The following PDE1A variants were observed in gnomAD, a reference collection of about 807,000 sequenced individuals.
PDE1A encodes dual specificity calcium/calmodulin-dependent 3',5'-cyclic nucleotide phosphodiesterase 1A.
A neutral mutation model predicts 61.7 loss-of-function variants in PDE1A; 35 were observed. The observed-to-expected ratio is 0.57, with a 90% CI of 0.43 to 0.75. The LOEUF (loss-of-function observed/expected upper bound fraction) is 0.75. Among genes scored for constraint, PDE1A ranks in the 30% least tolerant of loss-of-function variants. PDE1A has a pLI of 0.00. For synonymous variants in PDE1A, 232 were observed against 213.2 expected (o/e 1.09, Z -0.77); for missense variants, 597 against 630.6 (o/e 0.95, Z 0.57).
intron 10 of PDE1A, among the ~76,000 whole-genome samples, chr2:182,198,010 A>C (rs933389470): frequency 6.6e-6 from 1 of 151,980 alleles, no homozygotes; most frequent in Non-Finnish European, 1.5e-5. Context: ...GACATCTTAG[A>C]AATATTGAGT....
the PDE1A span, among the ~76,000 whole-genome samples, chr2:182,575,606 G>A: frequency 6.6e-6 from 1 of 151,042 alleles, no homozygotes; most frequent in Non-Finnish European, 1.5e-5. Flanking sequence ...CTGGACCCAT[G>A]AATCCTGGCT....
chr2:182,171,502 G>A (rs1391872192), intron 13 of PDE1A, among the ~76,000 whole-genome samples: 4 of 151,850 alleles, frequency 2.6e-5, no homozygotes, highest in Non-Finnish European at 5.9e-5. Flanking sequence ...AAGAGAGATA[G>A]ATAGAGACCT....
intron 2 of PDE1A, among the ~76,000 whole-genome samples, chr2:182,259,275 C>G (rs557519791): frequency 5.5e-4 from 84 of 152,162 alleles, no homozygotes; most frequent in Admixed American, 3.3e-3. Context: ...GGGAAAGGCA[C>G]TCTTTTCCAT....
At chr2:182,152,272 G>A (rs1314529183) in intron 13 of PDE1A, among the ~76,000 whole-genome samples, 1 of 152,044 alleles carries the variant, frequency 6.6e-6, no homozygotes, top group Non-Finnish European at 1.5e-5. Context: ...TACAGTCATT[G>A]GAAAAATGTA....
At chr2:182,649,408 G>A in the PDE1A span, among the ~76,000 whole-genome samples, 26 of 152,088 alleles carry the variant, frequency 1.7e-4, no homozygotes, top group Admixed American at 1.7e-3. Context: ...ATAGAGAGAC[G>A]CAGGAAGCTA....
downstream of PDE1A, among the ~76,000 whole-genome samples, chr2:182,165,382 C>T (rs1248735808): frequency 6.6e-6 from 1 of 152,114 alleles, no homozygotes. Flanking sequence ...CTTTGGGTTC[C>T]TCATGATTCT....
the PDE1A span, among the ~76,000 whole-genome samples, chr2:182,684,692 A>G: frequency 6.6e-6 from 1 of 152,360 alleles, no homozygotes; most frequent in South Asian, 2.1e-4. Context: ...CTGGGATTAC[A>G]GGCATGCGCC....
intron 1 of PDE1A, among the ~76,000 whole-genome samples, chr2:182,335,085 C>T (rs904614069): frequency 6.6e-6 from 1 of 151,966 alleles, no homozygotes; most frequent in African/African-American, 2.4e-5. Flanking sequence ...TGAAGGACCT[C>T]TTCAAGGAGA....
At chr2:182,591,486 A>AC in the PDE1A span, among the ~76,000 whole-genome samples, 1 of 152,184 alleles carries the variant, frequency 6.6e-6, no homozygotes, top group African/African-American at 2.4e-5. Context: ...TACACATGGG[A>AC]CCAAATAGCA....
chr2:182,692,668 T>C, the PDE1A span, among the ~76,000 whole-genome samples: 12 of 147,696 alleles, frequency 8.1e-5, no homozygotes, highest in Admixed American at 3.4e-4. Context: ...TAAAGTATAA[T>C]AAAAATATAT....
intron 2 of PDE1A, among the ~76,000 whole-genome samples, chr2:182,472,127 C>T (rs1007153518): frequency 2.0e-5 from 3 of 151,772 alleles, no homozygotes; most frequent in Non-Finnish European, 4.4e-5. Flanking sequence ...ATTAGTACCA[C>T]CTTTATGGAA....
At chr2:182,638,073 G>C in the PDE1A span, among the ~76,000 whole-genome samples, 1 of 152,172 alleles carries the variant, frequency 6.6e-6, no homozygotes, top group East Asian at 1.9e-4. Flanking sequence ...GGAAATTCAT[G>C]AAATTCTAAT....
At chr2:182,616,225 T>C in the PDE1A span, among the ~76,000 whole-genome samples, 2 of 152,162 alleles carry the variant, frequency 1.3e-5, no homozygotes, top group South Asian at 2.1e-4. Context: ...GCTGGCACTT[T>C]TGGAGCCTAT....
At chr2:182,375,820 A>G (rs1700370563) in intron 1 of PDE1A, among the ~76,000 whole-genome samples, 1 of 152,222 alleles carries the variant, frequency 6.6e-6, no homozygotes, top group African/African-American at 2.4e-5. Flanking sequence ...TTCTTCTGAA[A>G]TCTAGGTGGA....
At chr2:182,392,900 G>C (rs1005860311) in intron 1 of PDE1A, among the ~76,000 whole-genome samples, 1 of 152,276 alleles carries the variant, frequency 6.6e-6, no homozygotes, top group Non-Finnish European at 1.5e-5. Flanking sequence ...GCAGGGTACA[G>C]CCTCCCTCCT....
intron 2 of PDE1A, among the ~76,000 whole-genome samples, chr2:182,516,477 C>A (rs1444994045): frequency 6.6e-6 from 1 of 151,832 alleles, no homozygotes; most frequent in East Asian, 1.9e-4. Context: ...ATGGCAAAAA[C>A]CCATCTCTAC....
intron 2 of PDE1A, among the ~76,000 whole-genome samples, chr2:182,260,163 G>C (rs1692122590): frequency 6.6e-6 from 1 of 152,164 alleles, no homozygotes; most frequent in Admixed American, 6.5e-5. Flanking sequence ...CTCTGTATGT[G>C]TGTGTGTTTT....
chr2:182,253,459 C>A (rs192291955), intron 2 of PDE1A, among the ~76,000 whole-genome samples: 2 of 152,242 alleles, frequency 1.3e-5, no homozygotes, highest in East Asian at 3.9e-4. Flanking sequence ...TGGCTGTATT[C>A]ACTGTAAGTA....
At chr2:182,683,095 CT>C in the PDE1A span, among the ~76,000 whole-genome samples, 340 of 137,808 alleles carry the variant, frequency 2.5e-3, no homozygotes, top group African/African-American at 4.2e-3. Context: ...TTTTTCTTTT[CT>C]TTTTTTTTTT....
Sources: allele counts gnomAD v4.1 joint callset (sites outside exome capture counted in the v4.1 genomes callset), GRCh38; gene constraint gnomAD v4.1.1; transcripts MANE v1.5; gene names NCBI Gene and HGNC (gene_info 2026-07-23, HGNC 2026-07-21).